The following LYPLAL1 variants were observed in gnomAD, a reference collection of about 807,000 sequenced individuals.
LYPLAL1 encodes lysophospholipase like 1.
Under a neutral mutation model 19.7 loss-of-function variants are expected in LYPLAL1, and 23 were observed. That is an observed-to-expected ratio of 1.17 (90% CI 0.84 to 1.65). The LOEUF (loss-of-function observed/expected upper bound fraction) is 1.65, where lower values mean the gene tolerates loss of function less well. Ranked by LOEUF, LYPLAL1 falls within the 40% of genes most tolerant of loss-of-function variation. The probability of loss-of-function intolerance (pLI) is 0.00; values close to 1 mark genes in which losing one functional copy is unlikely to be tolerated. For missense variants in LYPLAL1, 355 were observed against 279.4 expected (o/e 1.27, Z -1.93); for synonymous variants, 119 against 96.3 (o/e 1.24, Z -1.38).
At chr1:219,370,614 G>T in the LYPLAL1 span, among the ~76,000 whole-genome samples, 40 of 152,314 alleles carry the variant, frequency 2.6e-4, no homozygotes, top group African/African-American at 7.7e-4. Context: ...GAAGGCTGGG[G>T]ATAAGATTTA....
the LYPLAL1 span, among the ~76,000 whole-genome samples, chr1:219,285,296 T>C: frequency 2.0e-5 from 3 of 152,142 alleles, no homozygotes; most frequent in Non-Finnish European, 4.4e-5. Flanking sequence ...ATTTCATTGG[T>C]GAAGGAGATG....
chr1:219,243,292 A>G, the LYPLAL1 span, among the ~76,000 whole-genome samples: 2 of 152,196 alleles, frequency 1.3e-5, no homozygotes, highest in South Asian at 2.1e-4. Flanking sequence ...CACAAGTCCA[A>G]AGACAAAGAG....
chr1:219,380,570 T>C, the LYPLAL1 span, among the ~76,000 whole-genome samples: 2 of 152,226 alleles, frequency 1.3e-5, no homozygotes, highest in Admixed American at 6.5e-5. Context: ...GCAGGTTTTC[T>C]TGGAGAAGGT....
At chr1:219,371,312 G>T in the LYPLAL1 span, among the ~76,000 whole-genome samples, 45 of 152,224 alleles carry the variant, frequency 3.0e-4, no homozygotes, top group African/African-American at 8.9e-4. Flanking sequence ...GTGTCCCTTA[G>T]GAATGAACAG....
At chr1:219,438,927 C>T in the LYPLAL1 span, among the ~76,000 whole-genome samples, 1 of 152,178 alleles carries the variant, frequency 6.6e-6, no homozygotes, top group African/African-American at 2.4e-5. Context: ...TTTCTTTAGA[C>T]AGAAAGCTAA....
At chr1:219,286,182 G>A in the LYPLAL1 span, among the ~76,000 whole-genome samples, 2 of 152,172 alleles carry the variant, frequency 1.3e-5, no homozygotes, top group Non-Finnish European at 2.9e-5. Flanking sequence ...GATGGTGCAT[G>A]ACAGTTGCAA....
chr1:219,335,862 G>A, the LYPLAL1 span, among the ~76,000 whole-genome samples: 2 of 151,860 alleles, frequency 1.3e-5, no homozygotes, highest in South Asian at 2.1e-4. Context: ...GAAGTAAGTT[G>A]TGGACAGACC....
chr1:219,343,374 A>G, the LYPLAL1 span, among the ~76,000 whole-genome samples: 1 of 152,192 alleles, frequency 6.6e-6, no homozygotes, highest in Non-Finnish European at 1.5e-5. Flanking sequence ...AAATGGATCC[A>G]TGGTTTTACC....
At chr1:219,222,750 A>G in the LYPLAL1 span, 15 of 152,148 alleles carry the variant, frequency 9.9e-5, no homozygotes, top group Non-Finnish European at 2.2e-4. Flanking sequence ...ATAACAAAAT[A>G]CCATAGAATC....
chr1:219,179,858 A>G (rs563709924), intron 2 of LYPLAL1, among the ~76,000 whole-genome samples: 3 of 152,228 alleles, frequency 2.0e-5, no homozygotes, highest in East Asian at 1.9e-4. Flanking sequence ...TAACATCTGC[A>G]TAGTCTTTTA....
At chr1:219,407,779 C>T in the LYPLAL1 span, among the ~76,000 whole-genome samples, 2 of 152,078 alleles carry the variant, frequency 1.3e-5, no homozygotes, top group African/African-American at 2.4e-5. Flanking sequence ...AAACAACAAA[C>T]ATTTACACTC....
chr1:219,174,004 G>A, intron 1 of LYPLAL1, 23 bp downstream of exon 1: 2 of 1,613,918 alleles, frequency 1.2e-6, no homozygotes, highest in Non-Finnish European at 1.7e-6. Flanking sequence ...TTTACGTCCT[G>A]GTTTTCTACA....
At chr1:219,317,609 G>A in the LYPLAL1 span, among the ~76,000 whole-genome samples, 1 of 152,072 alleles carries the variant, frequency 6.6e-6, no homozygotes, top group Non-Finnish European at 1.5e-5. Context: ...AGGAATAAGG[G>A]GGTAGAAAGA....
the LYPLAL1 span, among the ~76,000 whole-genome samples, chr1:219,300,530 C>CTTTTTTTTTT: frequency 1.2e-5 from 1 of 81,984 alleles, no homozygotes; most frequent in Non-Finnish European, 2.2e-5. Context: ...TTTATCCTAA[C>CTTTTTTTTTT]TTTTTTTTTT....
the LYPLAL1 span, among the ~76,000 whole-genome samples, chr1:219,274,567 G>T: frequency 1.3e-5 from 2 of 152,112 alleles, no homozygotes; most frequent in Non-Finnish European, 2.9e-5. Context: ...TGTATTTTTA[G>T]TAGAGATAGG....
At chr1:219,314,602 G>C in the LYPLAL1 span, among the ~76,000 whole-genome samples, 1 of 151,934 alleles carries the variant, frequency 6.6e-6, no homozygotes, top group African/African-American at 2.4e-5. Flanking sequence ...CCACCACCGC[G>C]CCCAGCTAAT....
intron 3 of LYPLAL1, among the ~76,000 whole-genome samples, chr1:219,210,012 G>T (rs980306800): frequency 3.3e-5 from 5 of 151,496 alleles, no homozygotes; most frequent in African/African-American, 1.2e-4. Flanking sequence ...AAATAATATT[G>T]TAATCCAAAA....
the LYPLAL1 span, among the ~76,000 whole-genome samples, chr1:219,378,283 G>C: frequency 0.093 from 13,844 of 148,858 alleles, 653 homozygotes; most frequent in Middle Eastern, 0.11. Context: ...AAAAGCTACA[G>C]TCATGGCAGA....
chr1:219,399,409 C>A, the LYPLAL1 span, among the ~76,000 whole-genome samples: 75 of 152,258 alleles, frequency 4.9e-4, no homozygotes, highest in South Asian at 0.015. Context: ...GGTCTAATTG[C>A]AATGGCAGTT....
Sources: gnomAD v4.1 joint callset for allele counts (sites outside exome capture counted in the v4.1 genomes callset) on GRCh38, gnomAD v4.1.1 for gene constraint, MANE v1.5 for transcripts, NCBI Gene and HGNC (gene_info 2026-07-23, HGNC 2026-07-21) for gene names.